Variants in FBXL17 observed in about 807,000 individuals in gnomAD.
The protein encoded by FBXL17 is F-box and leucine rich repeat protein 17.
In FBXL17, 22 loss-of-function variants were observed where a neutral mutation model predicts 66.2. The observed-to-expected ratio is 0.33, with a 90% CI of 0.24 to 0.47. FBXL17 has a LOEUF of 0.47. FBXL17 is among the 20% of genes least tolerant of loss of function. The pLI, the probability that FBXL17 is intolerant of heterozygous loss-of-function variation, is 1.00. For missense variants in FBXL17, 878 were observed against 948.2 expected, an observed-to-expected ratio of 0.93 and a Z score of 0.97; for synonymous variants, 474 against 400.5, an observed-to-expected ratio of 1.18 and a Z score of -2.19.
rs33988328 is a variant in FBXL17, at chr5:108,074,310, A to AT, written c.1746-53310dup. The stretch of plus-strand genomic sequence containing the variant: ...AAAATCTGATAAGAGATTTGAAAAG[A>AT]TTTTTTTTTTTTTTTTTTTAAGGAG... On this transcript the variant is annotated intron_variant, in intron 6 of 8. Transcript: ENST00000542267. Among the ~76,000 whole-genome samples the AT allele has an allele frequency of 5.2e-3, 709 of 137,308 alleles. 9 individuals are homozygous for AT. The highest frequency in any genetic ancestry group is 0.019 in the African/African-American group (616 of 32,734). The allele number at this position is 137,308 out of a possible 152,430, so 90.1% of individuals were successfully genotyped here.
intron 4 of FBXL17, among the ~76,000 whole-genome samples, chr5:108,279,672 G>A: frequency 6.6e-6 from 1 of 150,772 alleles, no homozygotes. Context: ...TTATTTTAAA[G>A]AACCTCAACA....
intron 4 of FBXL17, among the ~76,000 whole-genome samples, chr5:108,333,144 A>G (rs1760208810): frequency 1.1e-5 from 1 of 94,428 alleles, no homozygotes; most frequent in African/African-American, 3.8e-5. Context: ...AACCAGAAAT[A>G]CCAGTATATA....
chr5:107,901,446 G>A (rs12656092), intron 7 of FBXL17, among the ~76,000 whole-genome samples: 36,999 of 152,026 alleles, frequency 0.24, 5,718 homozygotes, highest in Admixed American at 0.42. Flanking sequence ...TTTACTTAAT[G>A]ATAATGATTT....
chr5:108,018,826 C>A (rs1475304118), intron 7 of FBXL17, among the ~76,000 whole-genome samples: 1 of 152,108 alleles, frequency 6.6e-6, no homozygotes, highest in African/African-American at 2.4e-5. Context: ...ACATTATCTT[C>A]ATTTAGGCAA....
intron 1 of FBXL17, among the ~76,000 whole-genome samples, chr5:108,379,049 A>T (rs1049690017): frequency 6.6e-6 from 1 of 152,266 alleles, no homozygotes; most frequent in African/African-American, 2.4e-5. Context: ...TGTCCTTTAG[A>T]CAAAGTTTTC....
chr5:107,867,757 CT>C (rs933798446), intron 8 of FBXL17, among the ~76,000 whole-genome samples: 1 of 152,170 alleles, frequency 6.6e-6, no homozygotes, highest in Non-Finnish European at 1.5e-5. Flanking sequence ...GAAGGTCTAT[CT>C]TTTTTTGGTT....
At chr5:108,262,093 T>TGAGACAGAG (rs1756857828) in intron 4 of FBXL17, among the ~76,000 whole-genome samples, 1 of 149,988 alleles carries the variant, frequency 6.7e-6, no homozygotes, top group South Asian at 2.1e-4. Flanking sequence ...TTTATTTTTT[T>TGAGACAGAG]TGAGACAGAG....
intron 4 of FBXL17, among the ~76,000 whole-genome samples, chr5:108,239,655 A>G (rs959715153): frequency 6.6e-6 from 1 of 152,136 alleles, no homozygotes; most frequent in Non-Finnish European, 1.5e-5. Flanking sequence ...TTCCTAAGCA[A>G]GTCTTGTGCT....
chr5:108,107,811 C>CAAAAAAAAA lies in FBXL17; in HGVS notation c.1745+78297_1745+78305dup, dbSNP rs143806373. 9.9e-5 allele frequency among the ~76,000 whole-genome samples: 12 copies of CAAAAAAAAA among 120,626 alleles called. 1 individual carries two copies. The highest frequency in any genetic ancestry group is 2.5e-4 in the East Asian group (1 of 3,952). 79.1% of individuals were successfully genotyped at this position (120,626 alleles called of 152,430 possible). On this transcript the variant is annotated intron_variant, in intron 6 of 8. Transcript: ENST00000542267. ...TGGGCAACACAGCAAGACTCTGTCTCAAAAAAAAAAAAGAAAAGAAAAAAG... is the reference window on the plus strand; with the variant it reads ...TGGGCAACACAGCAAGACTCTGTCTCAAAAAAAAAAAAAAAAAAAAAGAAAAGAAAAAAG...
intron 7 of FBXL17, among the ~76,000 whole-genome samples, chr5:107,924,907 C>T (rs1469347197): frequency 6.6e-6 from 1 of 152,168 alleles, no homozygotes; most frequent in Non-Finnish European, 1.5e-5. Flanking sequence ...GAAATCTTTG[C>T]ATTTTCTCAT....
intron 6 of FBXL17, among the ~76,000 whole-genome samples, chr5:108,185,234 G>C (rs1753179389): frequency 6.6e-6 from 1 of 152,110 alleles, no homozygotes; most frequent in African/African-American, 2.4e-5. Context: ...GTTTGGATTT[G>C]TGTTCCCAGC....
chr5:108,257,992 C>T (rs1167301065), intron 4 of FBXL17, among the ~76,000 whole-genome samples: 1 of 152,092 alleles, frequency 6.6e-6, no homozygotes, highest in Non-Finnish European at 1.5e-5. Flanking sequence ...CTGAGGCAGG[C>T]GTGCCAGCAA....
chr5:108,257,011 T>C (rs1294708251), intron 4 of FBXL17, among the ~76,000 whole-genome samples: 3 of 152,178 alleles, frequency 2.0e-5, no homozygotes, highest in African/African-American at 7.2e-5. Context: ...TTTAAATTGT[T>C]TTTAACTGTG....
rs535677005 is a variant in FBXL17, at chr5:107,931,354, A to G, written c.1823-50175T>C. On this transcript the variant is annotated intron_variant, in intron 7 of 8. Coordinates refer to ENST00000542267, the MANE Select transcript of FBXL17 (RefSeq NM_001163315.3). ...GGCTCACTGCAGCCTTGACTTCCCA[A>G]GCTCAGGTGATCCTCCCACCTCAGC... Among the ~76,000 whole-genome samples the G allele has an allele frequency of 2.7e-5, 4 of 150,630 alleles. No homozygotes were observed. The South Asian group carries it at 8.4e-4, about 32-fold the overall frequency.
intron 1 of FBXL17, among the ~76,000 whole-genome samples, chr5:108,373,222 T>C (rs1005625312): frequency 2.9e-5 from 4 of 136,946 alleles, no homozygotes; most frequent in African/African-American, 1.0e-4. Context: ...ATATATTATA[T>C]TAATATAAAT....
chr5:108,097,880 C>T (rs1749443352), intron 6 of FBXL17, among the ~76,000 whole-genome samples: 2 of 152,010 alleles, frequency 1.3e-5, no homozygotes, highest in South Asian at 2.1e-4. Context: ...CTCTGAATAA[C>T]ATTTTATACT....
intron 4 of FBXL17, among the ~76,000 whole-genome samples, chr5:108,234,714 T>C (rs1348770784): frequency 6.6e-6 from 1 of 152,214 alleles, no homozygotes. Flanking sequence ...TAGTCTTGTA[T>C]GTCCTGAGAA....
intron 4 of FBXL17, among the ~76,000 whole-genome samples, chr5:108,256,826 A>G (rs1415010644): frequency 6.6e-6 from 1 of 151,634 alleles, no homozygotes; most frequent in East Asian, 1.9e-4. Context: ...GTTTTTGTTT[A>G]CCTGAGGTAA....
At chr5:107,999,373 T>C (rs994420298) in intron 7 of FBXL17, among the ~76,000 whole-genome samples, 3 of 151,924 alleles carry the variant, frequency 2.0e-5, no homozygotes, top group African/African-American at 7.3e-5. Flanking sequence ...ATATCTAAAA[T>C]TGGACCTATA....
Sources: gnomAD v4.1 joint callset for allele counts (sites outside exome capture counted in the v4.1 genomes callset) on GRCh38, gnomAD v4.1.1 for gene constraint, MANE v1.5 for transcripts, NCBI Gene and HGNC (gene_info 2026-07-23, HGNC 2026-07-21) for gene names.